The following TBX15 variants were observed in gnomAD, a reference collection of about 807,000 sequenced individuals.
TBX15 encodes the protein T-box transcription factor TBX15.
TBX15 carries 18 observed loss-of-function variants against 53.9 expected under a neutral mutation model. The ratio of observed to expected loss-of-function variants is 0.33; its 90% CI spans 0.23 to 0.49. The LOEUF is 0.49. TBX15 is among the 20% of genes least tolerant of loss of function. TBX15 has a pLI of 0.98. For synonymous variants in TBX15, 295 were observed against 278.0 expected (o/e 1.06, Z -0.61); for missense variants, 692 against 749.5 (o/e 0.92, Z 0.90).
In TBX15 at chr1:118,931,649, C is replaced by G. The variant is rs1379586843; in HGVS notation, c.389G>C (p.Gly130Ala). The G allele has an allele frequency of 1.2e-6, 2 of 1,614,074 alleles. No homozygotes were observed. The highest frequency in any genetic ancestry group is 1.7e-6 in the Non-Finnish European group (2 of 1,179,986). ...TGCTTTGGTGATGATCATTTCAGTT[C>G]CAATATCATGGAACCGCTTCCAGAG... ...ADLWKRFHDI[G>A]TEMIITKAGR... The change falls in exon 2 of 8, where the codon GGA (glycine) becomes GCA (alanine). Residue 130 changes from glycine (G) to alanine (A), a missense_variant. Coordinates refer to ENST00000369429, the MANE Select transcript of TBX15 (RefSeq NM_001330677.2).
chr1:118,931,175 C>T (rs1655769527), intron 2 of TBX15, among the ~76,000 whole-genome samples: 1 of 152,212 alleles, frequency 6.6e-6, no homozygotes, highest in African/African-American at 2.4e-5. Context: ...TGGACATCAA[C>T]AGGCTCAGAA....
chr1:118,954,435 G>A (rs910970185), intron 1 of TBX15, among the ~76,000 whole-genome samples: 11 of 152,308 alleles, frequency 7.2e-5, no homozygotes, highest in Admixed American at 5.2e-4. Context: ...TTATCTTTAC[G>A]TGGAGGAATG....
intron 6 of TBX15, 124 bp from the exon 7 acceptor site, chr1:118,899,249 C>T (rs543560548): frequency 1.0e-5 from 9 of 889,250 alleles, no homozygotes; most frequent in Admixed American, 6.0e-5. Context: ...CTACCACCAT[C>T]AAGGTAAATT....
chr1:118,920,289 T>A (rs1655381648), intron 5 of TBX15, among the ~76,000 whole-genome samples: 1 of 152,126 alleles, frequency 6.6e-6, no homozygotes, highest in Non-Finnish European at 1.5e-5. Context: ...CAGTTCTAAC[T>A]GGGGAGAGCT....
At chr1:118,986,744 C>A (rs1454124987) in intron 1 of TBX15, among the ~76,000 whole-genome samples, 2 of 152,212 alleles carry the variant, frequency 1.3e-5, no homozygotes, top group Non-Finnish European at 1.5e-5. Context: ...AACCGCTAAA[C>A]CAAGTTGCGA....
At chr1:118,948,433 G>A (rs1395742420) in intron 1 of TBX15, among the ~76,000 whole-genome samples, 3 of 152,088 alleles carry the variant, frequency 2.0e-5, no homozygotes, top group Non-Finnish European at 2.9e-5. Context: ...TGGTCCTGTG[G>A]GATTCTGAGA....
At chr1:118,893,360 A>G (rs9662607) in intron 7 of TBX15, among the ~76,000 whole-genome samples, 3,390 of 27,546 alleles carry the variant, frequency 0.12, 152 homozygotes, top group East Asian at 0.34. Flanking sequence ...AAGGAAGGAA[A>G]GAAAGAAAGA....
chr1:118,945,829 C>T (rs1015743183), intron 1 of TBX15, among the ~76,000 whole-genome samples: 3 of 152,140 alleles, frequency 2.0e-5, no homozygotes, highest in Non-Finnish European at 2.9e-5. Flanking sequence ...CAATGGTCCA[C>T]CAACCAGTCA....
At chr1:118,970,839 C>G (rs1657214920) in intron 1 of TBX15, among the ~76,000 whole-genome samples, 1 of 152,176 alleles carries the variant, frequency 6.6e-6, no homozygotes, top group South Asian at 2.1e-4. Context: ...TACCATGTGG[C>G]TGAGCCCTAA....
intron 1 of TBX15, among the ~76,000 whole-genome samples, chr1:118,940,244 T>G (rs1656127902): frequency 6.6e-6 from 1 of 151,960 alleles, no homozygotes; most frequent in Non-Finnish European, 1.5e-5. Context: ...ACAAGGGCAG[T>G]TATATTCAGG....
intron 7 of TBX15, among the ~76,000 whole-genome samples, chr1:118,889,204 T>A (rs1430306412): frequency 6.6e-6 from 1 of 152,204 alleles, no homozygotes; most frequent in East Asian, 1.9e-4. Flanking sequence ...ATAACAGCAA[T>A]TTTTCAAAGT....
intron 6 of TBX15, among the ~76,000 whole-genome samples, chr1:118,910,648 AT>A (rs1245050433): frequency 6.6e-6 from 1 of 152,174 alleles, no homozygotes; most frequent in Admixed American, 6.5e-5. Flanking sequence ...TTATCAGGTA[AT>A]TTTGAGATAT....
At chr1:118,970,109 T>C (rs1173537078) in intron 1 of TBX15, among the ~76,000 whole-genome samples, 1 of 152,220 alleles carries the variant, frequency 6.6e-6, no homozygotes, top group African/African-American at 2.4e-5. Flanking sequence ...TCTGCCATGA[T>C]TGTAAGTTTC....
Position 118,907,072 on chromosome 1 carries a change from C to T in TBX15, c.926+7043G>A, listed in dbSNP as rs569484284. Among the ~76,000 whole-genome samples the T allele has an allele frequency of 2.0e-5, 3 of 152,324 alleles. No individual in the cohort carries two copies. In the East Asian group the frequency reaches 5.8e-4, roughly 29 times the overall value. On this transcript the variant is annotated intron_variant, in intron 6 of 7. Transcript: ENST00000369429. ...GATTCGAAAGAGAAAAACATACCCT[C>T]CTAAAAAGTTGTACCAATTCCCTGG...
chr1:118,912,320 C>A (rs1288546222), intron 6 of TBX15, among the ~76,000 whole-genome samples: 2 of 151,778 alleles, frequency 1.3e-5, no homozygotes, highest in Non-Finnish European at 2.9e-5. Flanking sequence ...AACTTTAAGA[C>A]TTTTTGAAAA....
At chr1:118,937,426 A>C (rs1656005039) in intron 1 of TBX15, among the ~76,000 whole-genome samples, 1 of 152,182 alleles carries the variant, frequency 6.6e-6, no homozygotes, top group Non-Finnish European at 1.5e-5. Flanking sequence ...TGGAGTTTAG[A>C]CTTTATCATC....
At chr1:118,893,356 G>GAAGGAAAGAAAGAAA (rs1654238452) in intron 7 of TBX15, among the ~76,000 whole-genome samples, 1 of 51,020 alleles carries the variant, frequency 2.0e-5, no homozygotes, top group Non-Finnish European at 3.3e-5. Context: ...AAGGAAGGAA[G>GAAGGAAAGAAAGAAA]GAAAGAAAGA....
At chr1:118,917,658 C>G (rs1405654385) in intron 5 of TBX15, among the ~76,000 whole-genome samples, 3 of 152,120 alleles carry the variant, frequency 2.0e-5, no homozygotes, top group African/African-American at 7.2e-5. Flanking sequence ...TTCCAGAAAC[C>G]TTAGCCCATG....
chr1:118,888,344 G>A (rs1161864283), intron 7 of TBX15, among the ~76,000 whole-genome samples: 1 of 152,200 alleles, frequency 6.6e-6, no homozygotes, highest in African/African-American at 2.4e-5. Flanking sequence ...AATATAAAGT[G>A]TGAATCGCCA....
Sources: allele counts gnomAD v4.1 joint callset (sites outside exome capture counted in the v4.1 genomes callset), GRCh38; gene constraint gnomAD v4.1.1; transcripts MANE v1.5; gene names NCBI Gene and HGNC (gene_info 2026-07-23, HGNC 2026-07-21).